PEAK1: variants seen among roughly 807,000 people sequenced by gnomAD.
PEAK1 encodes the protein pseudopodium enriched atypical kinase 1.
In PEAK1, 54 loss-of-function variants were observed where a neutral mutation model predicts 124.7. The ratio of observed to expected loss-of-function variants is 0.43; its 90% CI spans 0.35 to 0.54. PEAK1 has a LOEUF of 0.54. Among genes scored for constraint, PEAK1 ranks in the 20% least tolerant of loss-of-function variants. The pLI is 0.01. For missense variants in PEAK1, 2,046 were observed against 2,134.5 expected (o/e 0.96, Z 0.82); for synonymous variants, 719 against 760.0 (o/e 0.95, Z 0.89).
chr15:77,335,719 GACCTCAAATAATCCTCC>G, intron 2 of PEAK1: 1 of 938,772 alleles, frequency 1.1e-6, no homozygotes, highest in Non-Finnish European at 1.3e-6. Flanking sequence ...TCAAACTACT[GACCTCAAATAATCCTCC>G]CACTTCAGCC....
chr15:77,169,576 G>C (rs1328278403), intron 7 of PEAK1, among the ~76,000 whole-genome samples: 2 of 152,174 alleles, frequency 1.3e-5, no homozygotes, highest in Non-Finnish European at 2.9e-5. Context: ...AACCCAGAAG[G>C]TAGGAGTAAA....
intron 1 of PEAK1, among the ~76,000 whole-genome samples, chr15:77,399,098 A>C (rs982315079): frequency 1.3e-5 from 2 of 152,228 alleles, no homozygotes; most frequent in African/African-American, 4.8e-5. Flanking sequence ...CATTGATGAA[A>C]TAAGTGGAAG....
At chr15:77,407,560 G>A (rs2071934226) in intron 1 of PEAK1, among the ~76,000 whole-genome samples, 1 of 152,134 alleles carries the variant, frequency 6.6e-6, no homozygotes, top group Admixed American at 6.5e-5. Flanking sequence ...AAACCACAAT[G>A]CAATACCACC....
intron 2 of PEAK1, chr15:77,337,611 A>C (rs1597350625): frequency 1.0e-6 from 1 of 985,400 alleles, no homozygotes; most frequent in Admixed American, 6.1e-5. Flanking sequence ...ATGCTACAAA[A>C]CCTTTACCAT....
intron 7 of PEAK1, 115 bp downstream of exon 7, chr15:77,178,675 C>T: frequency 1.0e-6 from 1 of 989,340 alleles, no homozygotes; most frequent in Non-Finnish European, 1.5e-6. Context: ...ATGATGGCCA[C>T]AGAGTGCTAC....
At chr15:77,410,642 T>A (rs894426726) in intron 1 of PEAK1, among the ~76,000 whole-genome samples, 7 of 152,258 alleles carry the variant, frequency 4.6e-5, no homozygotes, top group African/African-American at 1.7e-4. Context: ...AATATTTGAA[T>A]ATCCACTACT....
intron 7 of PEAK1, among the ~76,000 whole-genome samples, chr15:77,168,237 G>GAACACA (rs2056258397): frequency 6.8e-6 from 1 of 147,178 alleles, no homozygotes; most frequent in African/African-American, 2.5e-5. Context: ...ATGTGCGCGC[G>GAACACA]CACACACACA....
chr15:77,269,297 T>G (rs1398232940), intron 5 of PEAK1, among the ~76,000 whole-genome samples: 1 of 152,088 alleles, frequency 6.6e-6, no homozygotes, highest in Non-Finnish European at 1.5e-5. Context: ...AGGACTCACA[T>G]AAAGCTAAGG....
intron 6 of PEAK1, among the ~76,000 whole-genome samples, chr15:77,192,058 C>T (rs1355268666): frequency 1.3e-5 from 2 of 152,176 alleles, no homozygotes; most frequent in Non-Finnish European, 2.9e-5. Flanking sequence ...AAATAACAAA[C>T]ACATTCTAAA....
At chr15:77,122,748 T>A (rs1022420435) in intron 9 of PEAK1, among the ~76,000 whole-genome samples, 1 of 152,206 alleles carries the variant, frequency 6.6e-6, no homozygotes, top group East Asian at 1.9e-4. Context: ...TGGCTGCTGA[T>A]CAATCACTTT....
intron 1 of PEAK1, chr15:77,371,164 C>T (rs1212950741): frequency 1.0e-5 from 10 of 974,554 alleles, no homozygotes; most frequent in African/African-American, 3.5e-5. Context: ...AAAGTAAAAA[C>T]TTCATTATTT....
chr15:77,286,072 C>G (rs2062916088), intron 3 of PEAK1, among the ~76,000 whole-genome samples: 2 of 151,928 alleles, frequency 1.3e-5, no homozygotes, highest in Admixed American at 6.6e-5. Context: ...TCTCAAAGAC[C>G]ATTTGGTTTC....
At chr15:77,189,772 T>C (rs866102529) in intron 6 of PEAK1, among the ~76,000 whole-genome samples, 2 of 152,186 alleles carry the variant, frequency 1.3e-5, no homozygotes, top group Non-Finnish European at 2.9e-5. Context: ...TGGTGAGATG[T>C]TGCTATCAGT....
rs905294559 is a variant in PEAK1, at chr15:77,366,391, A to C, written c.-665-1166T>G. ...AGCAAGAAATAAACTTTGTTGTATT[A>C]TGCAACTGAGATTTTTAGGACTGTT... is the stretch of plus-strand genomic sequence containing the variant. On this transcript the variant is annotated intron_variant, in intron 1 of 9. Coordinates refer to ENST00000682557, the MANE Select transcript of PEAK1 (RefSeq NM_001385026.1). Among the ~76,000 whole-genome samples the C allele has an allele frequency of 4.6e-5, 7 of 152,324 alleles. No individual in the cohort carries two copies. In the East Asian group the frequency reaches 1.2e-3, roughly 25 times the overall value.
At chr15:77,323,555 A>G (rs2065375628) in intron 2 of PEAK1, among the ~76,000 whole-genome samples, 1 of 152,208 alleles carries the variant, frequency 6.6e-6, no homozygotes. Context: ...AGAATAAAAT[A>G]CCTAGGAATC....
At chr15:77,417,742 C>G (rs2142198912) in intron 1 of PEAK1, 3 of 985,420 alleles carry the variant, frequency 3.0e-6, no homozygotes, top group Non-Finnish European at 3.6e-6. Context: ...TTAAAAAGAA[C>G]AACAAATCTC....
chr15:77,136,120 A>C (rs2053302303), intron 8 of PEAK1, among the ~76,000 whole-genome samples: 1 of 152,224 alleles, frequency 6.6e-6, no homozygotes, highest in South Asian at 2.1e-4. Flanking sequence ...ATGAACAATA[A>C]GGTCCAGGCT....
At chr15:77,391,620 C>G (rs992867932) in intron 1 of PEAK1, among the ~76,000 whole-genome samples, 3 of 151,098 alleles carry the variant, frequency 2.0e-5, no homozygotes, top group African/African-American at 4.9e-5. Flanking sequence ...GCTAAGATAA[C>G]AGTACCCACC....
At chr15:77,330,206 T>C (rs2065816079) in intron 2 of PEAK1, among the ~76,000 whole-genome samples, 1 of 152,154 alleles carries the variant, frequency 6.6e-6, no homozygotes, top group South Asian at 2.1e-4. Context: ...TATTGACATG[T>C]TGATGTACGT....
Sources: allele counts gnomAD v4.1 joint callset (sites outside exome capture counted in the v4.1 genomes callset), GRCh38; gene constraint gnomAD v4.1.1; transcripts MANE v1.5; gene names NCBI Gene and HGNC (gene_info 2026-07-23, HGNC 2026-07-21).